DNAH9: variants seen among roughly 807,000 people sequenced by gnomAD.
DNAH9 encodes DNAH9 variant protein.
In DNAH9, 345 loss-of-function variants were observed where a neutral mutation model predicts 471.6. The observed-to-expected ratio is 0.73, with a 90% CI of 0.67 to 0.80. The LOEUF (loss-of-function observed/expected upper bound fraction) is 0.80, where lower values mean the gene tolerates loss of function less well. Ranked by LOEUF, DNAH9 falls within the 30% of genes least tolerant of loss-of-function variation. DNAH9 has a pLI of 0.00. For missense variants in DNAH9, 5,407 were observed against 5,609.2 expected, an observed-to-expected ratio of 0.96 and a Z score of 1.15; for synonymous variants, 2,093 against 2,123.6, an observed-to-expected ratio of 0.99 and a Z score of 0.40.
intron 43 of DNAH9, among the ~76,000 whole-genome samples, chr17:11,802,720 C>G (rs1363311520): frequency 1.3e-5 from 2 of 151,438 alleles, no homozygotes; most frequent in Non-Finnish European, 2.9e-5. Flanking sequence ...CTCCCAGGAA[C>G]TCACAGGTCC....
chr17:11,710,432 G>A (rs527843653), intron 26 of DNAH9, among the ~76,000 whole-genome samples: 3 of 152,178 alleles, frequency 2.0e-5, no homozygotes, highest in South Asian at 2.1e-4. Context: ...CAAATCGTTC[G>A]TGAAAAACTG....
intron 35 of DNAH9, among the ~76,000 whole-genome samples, chr17:11,758,543 C>A (rs1567779930): frequency 6.6e-6 from 1 of 152,146 alleles, no homozygotes; most frequent in Admixed American, 6.5e-5. Flanking sequence ...AAACTAAAGT[C>A]CATCATTGAA....
At chr17:11,668,963 A>C (rs776523245) in intron 15 of DNAH9, 101 bp from the exon 16 acceptor site, 1 of 812,616 alleles carries the variant, frequency 1.2e-6, no homozygotes, top group Non-Finnish European at 2.0e-6. Flanking sequence ...CTAGCAGCCT[A>C]TCTAAAGAAA....
intron 26 of DNAH9, among the ~76,000 whole-genome samples, chr17:11,717,490 A>C (rs2074983849): frequency 6.6e-6 from 1 of 152,164 alleles, no homozygotes; most frequent in Admixed American, 6.5e-5. Context: ...GTCTCTGGTC[A>C]TCTCATAATA....
intron 14 of DNAH9, 34 bp downstream of exon 14, chr17:11,653,036 G>A (rs765219951): frequency 1.7e-5 from 28 of 1,604,064 alleles, no homozygotes; most frequent in African/African-American, 2.7e-5. Context: ...CACATACTAC[G>A]AGTTTAGGGA....
At chr17:11,781,854 A>AAAC (rs1968684122) in intron 39 of DNAH9, among the ~76,000 whole-genome samples, 2 of 150,022 alleles carry the variant, frequency 1.3e-5, no homozygotes, top group Non-Finnish European at 1.5e-5. Context: ...CAAACAAAAA[A>AAAC]AAAACTACCA....
At chr17:11,666,917 G>A (rs112478107) in intron 15 of DNAH9, among the ~76,000 whole-genome samples, 2 of 152,236 alleles carry the variant, frequency 1.3e-5, no homozygotes, top group African/African-American at 4.8e-5. Flanking sequence ...CCCAAGGCTT[G>A]GGTTGGTTTC....
intron 1 of DNAH9, among the ~76,000 whole-genome samples, chr17:11,599,717 T>A (rs1347857506): frequency 6.6e-6 from 1 of 152,174 alleles, no homozygotes; most frequent in Non-Finnish European, 1.5e-5. Flanking sequence ...GGGAGTAAAC[T>A]GCCCTGCAAG....
chr17:11,722,001 C>T (rs1258834687), intron 27 of DNAH9, among the ~76,000 whole-genome samples: 1 of 152,156 alleles, frequency 6.6e-6, no homozygotes, highest in Non-Finnish European at 1.5e-5. Flanking sequence ...AAGCCATGAC[C>T]AAGTTCTATG....
At chr17:11,821,503 A>G (rs1055102835) in intron 45 of DNAH9, among the ~76,000 whole-genome samples, 1 of 152,034 alleles carries the variant, frequency 6.6e-6, no homozygotes, top group African/African-American at 2.4e-5. Context: ...ACCTATCTGT[A>G]TGTTTGTTAT....
intron 65 of DNAH9, among the ~76,000 whole-genome samples, chr17:11,936,964 T>A (rs1417194042): frequency 6.6e-6 from 1 of 152,176 alleles, no homozygotes; most frequent in Non-Finnish European, 1.5e-5. Context: ...TCTGGAATCC[T>A]AGAAGAGCTT....
chr17:11,742,529 T>C (rs577734782), intron 30 of DNAH9, among the ~76,000 whole-genome samples: 119 of 152,324 alleles, frequency 7.8e-4, no homozygotes, highest in Admixed American at 1.6e-3. Flanking sequence ...CAAAACTCCA[T>C]TTTGTAATAG....
Position 11,598,644 on chromosome 17 carries a change from G to C in DNAH9, c.146G>C (p.Ser49Thr). 7.4e-7 allele frequency: 1 copy of C among 1,355,060 alleles called. No homozygotes were observed. Among genetic ancestry groups the C allele is most frequent in the Non-Finnish European group, 9.4e-7 (1 of 1,059,342 alleles). 83.9% of individuals were successfully genotyped at this position (1,355,060 alleles called of 1,614,324 possible). The change falls in exon 1 of 69, where the codon AGT (serine) becomes ACT (threonine). Residue 49 changes from serine to threonine, a missense_variant. Coordinates refer to ENST00000262442, the MANE Select transcript of DNAH9 (RefSeq NM_001372.4). ...GGCGCCTGGGAGCGTTGCGCGGGGA[G>C]TGCTGAGGCGGAGCAGCTGCTCCAG... ...AAGAWERCAG[S>T]AEAEQLLQAF...
At chr17:11,739,509 C>T (rs1290030811) in intron 29 of DNAH9, among the ~76,000 whole-genome samples, 3 of 151,504 alleles carry the variant, frequency 2.0e-5, no homozygotes, top group African/African-American at 4.8e-5. Flanking sequence ...CTTTTTTTTC[C>T]GTATGTATGA....
At chr17:11,706,484 AAGGCCATAGTATAAAATAAGGTACG>A (rs1262887172) in intron 26 of DNAH9, among the ~76,000 whole-genome samples, 1 of 152,164 alleles carries the variant, frequency 6.6e-6, no homozygotes, top group Non-Finnish European at 1.5e-5. Context: ...GGAAAAGTAC[AAGGCCATAGTATAAAATAAGGTACG>A]AGGCCATATG....
At chr17:11,699,028 A>G (rs948617981) in intron 22 of DNAH9, among the ~76,000 whole-genome samples, 3 of 152,074 alleles carry the variant, frequency 2.0e-5, no homozygotes, top group Non-Finnish European at 4.4e-5. Flanking sequence ...AGGGGGGCGG[A>G]TCACGAGATC....
At chr17:11,731,004 G>A (rs2075254147) in intron 28 of DNAH9, among the ~76,000 whole-genome samples, 1 of 149,680 alleles carries the variant, frequency 6.7e-6, no homozygotes, top group African/African-American at 2.4e-5. Context: ...TGGTGATGGT[G>A]GTAATGATGA....
At chr17:11,800,111 T>C (rs1016702095) in intron 43 of DNAH9, among the ~76,000 whole-genome samples, 5 of 152,192 alleles carry the variant, frequency 3.3e-5, no homozygotes, top group Admixed American at 3.3e-4. Context: ...CCCAGCGCCT[T>C]ATTCCCAGTT....
At chr17:11,653,595 G>A (rs889549534) in intron 14 of DNAH9, among the ~76,000 whole-genome samples, 3 of 152,156 alleles carry the variant, frequency 2.0e-5, no homozygotes, top group East Asian at 1.9e-4. Flanking sequence ...CCAGCCCTAC[G>A]CAAGTAGCTA....
Sources: allele counts gnomAD v4.1 joint callset (sites outside exome capture counted in the v4.1 genomes callset), GRCh38; gene constraint gnomAD v4.1.1; transcripts MANE v1.5; gene names NCBI Gene and HGNC (gene_info 2026-07-23, HGNC 2026-07-21).